Variants in SYNE3 observed in about 807,000 individuals in gnomAD.
SYNE3 encodes the protein spectrin repeat containing nuclear envelope family member 3.
SYNE3 carries 100 observed loss-of-function variants against 111.2 expected under a neutral mutation model. That is an observed-to-expected ratio of 0.90 (90% CI 0.77 to 1.06). The LOEUF is 1.06. Ranked by LOEUF, SYNE3 falls within the 50% of genes least tolerant of loss-of-function variation. SYNE3 has a pLI of 0.00. For synonymous variants in SYNE3, 547 were observed against 533.9 expected, an observed-to-expected ratio of 1.02 and a Z score of -0.34; for missense variants, 1,160 against 1,240.3, an observed-to-expected ratio of 0.94 and a Z score of 0.97.
chr14:95,452,153 A>T, intron 7 of SYNE3, 94 bp downstream of exon 7: 1 of 1,389,710 alleles, frequency 7.2e-7, no homozygotes, highest in Non-Finnish European at 9.7e-7. Context: ...AGAAGTTACT[A>T]TGTTGTAGGA....
At chr14:95,474,686 T>A (rs752878359) in intron 2 of SYNE3, among the ~76,000 whole-genome samples, 104 of 152,292 alleles carry the variant, frequency 6.8e-4, no homozygotes, top group Middle Eastern at 3.4e-3. Context: ...GATTGTTAAT[T>A]CCCACGGTCC....
Position 95,484,093 on chromosome 14 carries a change from T to A in SYNE3, c.-14-8258A>T, listed in dbSNP as rs778284154. Among the ~76,000 whole-genome samples the A allele has an allele frequency of 2.6e-5, 4 of 152,326 alleles. No homozygotes were observed. The East Asian group carries it at 5.8e-4, about 22-fold the overall frequency. On this transcript the variant is annotated intron_variant, in intron 1 of 17. Transcript: ENST00000682763. Reference sequence around the variant, plus strand: ...TTCAATGAATGAAACCCAAGTTCCCTAGGCATAGTCTGGAGGATGCCAGGA... The same window carrying A: ...TTCAATGAATGAAACCCAAGTTCCCAAGGCATAGTCTGGAGGATGCCAGGA...
At chr14:95,474,167 G>C (rs1888733496) in intron 2 of SYNE3, among the ~76,000 whole-genome samples, 1 of 152,238 alleles carries the variant, frequency 6.6e-6, no homozygotes. Context: ...GTGTGATCTT[G>C]GGAGGTGTGA....
rs768986406 is a variant in SYNE3 at position 95,444,525 on chromosome 14, C to G, written c.1736G>C (p.Arg579Pro). The change falls in exon 10 of 18, where the codon CGG becomes CCG. Residue 579 changes from arginine (R) to proline (P), a missense_variant. Coordinates refer to ENST00000682763, the MANE Select transcript of SYNE3 (RefSeq NM_152592.6). ...CTGGGCCTGTTTTCCAGGAAGGTCC[C>G]GCTGAAGCCCCTTCTCGGCTTGGAC... ...VRVQAEKGLQ[R>P]DLPGKQAQLS... 6.2e-7 allele frequency: 1 copy of G among 1,613,396 alleles called. No homozygotes were observed. The highest frequency in any genetic ancestry group is 8.5e-7 in the Non-Finnish European group (1 of 1,179,610).
intron 2 of SYNE3, 92 bp downstream of exon 2, chr14:95,475,586 G>A (rs76872319): frequency 0.038 from 48,685 of 1,282,426 alleles, 1,186 homozygotes; most frequent in African/African-American, 0.11. Context: ...TTAGTCCACC[G>A]TTGCCTTTCA....
In SYNE3 at chr14:95,454,114, G is replaced by A. The variant is rs191641364; in HGVS notation, c.1137+1263C>T. 4.0e-4 allele frequency among the ~76,000 whole-genome samples: 61 copies of A among 152,366 alleles called. 1 individual carries two copies. In the South Asian group the frequency reaches 8.7e-3, roughly 22 times the overall value. ...TGAAACAGATGAGGGTCCTGTTCCC[G>A]TCAGCAGAGGGATAACACAAGTCAT... On this transcript the variant is annotated intron_variant, in intron 6 of 17. Coordinates refer to ENST00000682763, the MANE Select transcript of SYNE3 (RefSeq NM_152592.6).
intron 14 of SYNE3, 43 bp from the exon 15 acceptor site, chr14:95,437,024 C>G (rs745499387): frequency 1.2e-6 from 2 of 1,612,216 alleles, no homozygotes; most frequent in Admixed American, 1.7e-5. Context: ...GTGAAAGAGC[C>G]CCCCTGGCCA....
Position 95,452,336 on chromosome 14 carries a change from C to T in SYNE3, c.1185G>A (p.Leu395=), listed in dbSNP as rs1450160166. The change falls in exon 7 of 18, where the codon CTG becomes CTA. Residue 395 remains leucine, a synonymous_variant. Coordinates refer to ENST00000682763, the MANE Select transcript of SYNE3 (RefSeq NM_152592.6). ...LASEEPRVDR[L]QAQLKELIVF... Reference sequence around the variant, plus strand: ...CGATGAGCTCCTTCAGCTGGGCTTGCAGCCGGTCCACCCGGGGCTCCTCCG... The same window carrying T: ...CGATGAGCTCCTTCAGCTGGGCTTGTAGCCGGTCCACCCGGGGCTCCTCCG... The T allele has an allele frequency of 1.2e-6, 2 of 1,613,612 alleles. No individual in the cohort carries two copies. Among genetic ancestry groups the T allele is most frequent in the East Asian group, 2.2e-5 (1 of 44,896 alleles).
chr14:95,466,080 G>A lies in SYNE3; in HGVS notation c.478C>T (p.Leu160=). The change falls in exon 4 of 18, where the codon CTG becomes TTG. Residue 160 remains leucine, a synonymous_variant. Coordinates refer to ENST00000682763, the MANE Select transcript of SYNE3 (RefSeq NM_152592.6). ...QWQLSHAQVL[L]HNVDNQAVLL... is the part of the protein sequence containing the mutation. ...ACCGCCTGGTTGTCCACGTTGTGCA[G>A]CAGCACCTGGGCGTGGCTCAGCTGC... The A allele has an allele frequency of 6.2e-7, 1 of 1,613,342 alleles. No homozygotes were observed. The highest frequency in any genetic ancestry group is 8.5e-7 in the Non-Finnish European group (1 of 1,179,358).
At chr14:95,514,861 G>A (rs2139626234) in intron 1 of SYNE3, among the ~76,000 whole-genome samples, 1 of 152,346 alleles carries the variant, frequency 6.6e-6, no homozygotes, top group East Asian at 1.9e-4. Context: ...CGCCAAGCCA[G>A]GGCCCCCCGG....
intron 1 of SYNE3, among the ~76,000 whole-genome samples, chr14:95,505,982 A>G (rs1288004632): frequency 6.6e-6 from 1 of 152,252 alleles, no homozygotes; most frequent in African/African-American, 2.4e-5. Context: ...CCCCACATCT[A>G]GAGATCTCTC....
chr14:95,422,280 CA>C (rs1885170772), intron 17 of SYNE3, among the ~76,000 whole-genome samples: 1 of 151,946 alleles, frequency 6.6e-6, no homozygotes, highest in Non-Finnish European at 1.5e-5. Flanking sequence ...AACTCAGGAC[CA>C]AAGGTCCTGA....
rs1262813317 is a variant in SYNE3 at position 95,508,710 on chromosome 14, A to G, written c.-15+7886T>C. Among the ~76,000 whole-genome samples the G allele has an allele frequency of 2.0e-5, 3 of 152,322 alleles. No homozygotes were observed. In the East Asian group the frequency reaches 5.8e-4, roughly 29 times the overall value. On this transcript the variant is annotated intron_variant, in intron 1 of 17. Coordinates refer to ENST00000682763, the MANE Select transcript of SYNE3 (RefSeq NM_152592.6). ...GAAACTTGGCATGAGCAGGAGAGAG[A>G]ACATCAGATGTGAGTCCCAGGGACG...
rs59877487 is a variant in SYNE3, at chr14:95,456,851, G to A, written c.789+326C>T. ...TGTAATCGCAGCACTTTGGGAGCCC[G>A]AGGCTGGCAGATCACAAGGTCAGGA... On this transcript the variant is annotated intron_variant, in intron 5 of 17. Transcript: ENST00000682763. Among the ~76,000 whole-genome samples the A allele has an allele frequency of 7.3e-3, 1,113 of 152,252 alleles. 18 individuals are homozygous for A. Among genetic ancestry groups the A allele is most frequent in the African/African-American group, 0.026 (1,071 of 41,536 alleles).
chr14:95,418,359 C>T (rs1458378191), intron 17 of SYNE3, among the ~76,000 whole-genome samples: 1 of 152,100 alleles, frequency 6.6e-6, no homozygotes, highest in Non-Finnish European at 1.5e-5. Context: ...TCTAGTTTCT[C>T]ATCTTCAGAT....
At chr14:95,515,851 G>A (rs966033025) in intron 1 of SYNE3, among the ~76,000 whole-genome samples, 1 of 152,208 alleles carries the variant, frequency 6.6e-6, no homozygotes, top group African/African-American at 2.4e-5. Context: ...TTCCAGTTTT[G>A]AAGCAGAGGT....
chr14:95,424,298 C>T (rs1224468469), intron 17 of SYNE3, among the ~76,000 whole-genome samples: 1 of 151,780 alleles, frequency 6.6e-6, no homozygotes, highest in Non-Finnish European at 1.5e-5. Flanking sequence ...GAGAGCCACC[C>T]ACCAGATGGT....
chr14:95,434,415 A>G (rs7153892), intron 15 of SYNE3, among the ~76,000 whole-genome samples: 31,211 of 151,926 alleles, frequency 0.21, 4,202 homozygotes, highest in African/African-American at 0.38. Context: ...TGGGGCCTGC[A>G]GAGGTAGAGA....
intron 1 of SYNE3, among the ~76,000 whole-genome samples, chr14:95,509,951 A>C (rs1890664959): frequency 6.6e-6 from 1 of 152,238 alleles, no homozygotes; most frequent in Non-Finnish European, 1.5e-5. Context: ...CTTGGCCCTG[A>C]AGTACCTGCA....
Sources: gnomAD v4.1 joint callset for allele counts (sites outside exome capture counted in the v4.1 genomes callset) on GRCh38, gnomAD v4.1.1 for gene constraint, MANE v1.5 for transcripts, NCBI Gene and HGNC (gene_info 2026-07-23, HGNC 2026-07-21) for gene names.